The following ALOX12 variants were observed in gnomAD, a reference collection of about 807,000 sequenced individuals.
ALOX12 encodes arachidonate 12-lipoxygenase, 12S type.
Under a neutral mutation model 85.5 loss-of-function variants are expected in ALOX12, and 62 were observed. The observed-to-expected ratio is 0.73, with a 90% CI of 0.59 to 0.90. The LOEUF is 0.90. Ranked by LOEUF, ALOX12 falls within the 40% of genes least tolerant of loss-of-function variation. The probability of loss-of-function intolerance (pLI) is 0.00; values close to 1 mark genes in which losing one functional copy is unlikely to be tolerated. For synonymous variants in ALOX12, 299 were observed against 332.7 expected, an observed-to-expected ratio of 0.90 and a Z score of 1.10; for missense variants, 751 against 856.5, an observed-to-expected ratio of 0.88 and a Z score of 1.54.
Position 7,005,942 on chromosome 17 carries a change from G to A in ALOX12, c.1333G>A (p.Asp445Asn). 6.2e-7 allele frequency: 1 copy of A among 1,613,466 alleles called. No homozygotes were observed. The highest frequency in any genetic ancestry group is 8.5e-7 in the Non-Finnish European group (1 of 1,179,852). The change falls in exon 10 of 14, where the codon GAC becomes AAC. Residue 445 changes from aspartate (D) to asparagine (N), a missense_variant. By Grantham distance (23) the Asp-to-Asn change is conservative (BLOSUM62 1). Coordinates refer to ENST00000251535, the MANE Select transcript of ALOX12 (RefSeq NM_000697.3). Reference sequence around the variant, plus strand: ...GACCTACTGCTCCCTCTGTCCTCCTGACGACCTGGCTGACCGGGGCCTGCT... The same window carrying A: ...GACCTACTGCTCCCTCTGTCCTCCTAACGACCTGGCTGACCGGGGCCTGCT... Reference protein sequence around the residue: ...QLTYCSLCPPDDLADRGLLGL... With the variant: ...QLTYCSLCPPNDLADRGLLGL...
rs536161616 is a variant in ALOX12 at position 7,010,376 on chromosome 17, T to C, written c.1945T>C (p.Tyr649His). 14 of 1,614,234 alleles carry C rather than the reference T, an allele frequency of 8.7e-6. No homozygotes were observed. The South Asian group carries it at 1.4e-4, about 16-fold the overall frequency. ...TARNEQLDWP[Y>H]EYLKPSCIEN... ...CCGGAATGAGCAACTTGACTGGCCC[T>C]ATGAATATCTGAAGCCCAGCTGCAT... The change falls in exon 14 of 14, where the codon TAT becomes CAT. Residue 649 changes from tyrosine to histidine, a missense_variant. Physicochemically the swap from Tyr to His is moderately conservative, Grantham distance 83. Transcript: ENST00000251535.
At chr17:6,997,162 G>A (rs2035133445) in intron 2 of ALOX12, 135 bp downstream of exon 2, 1 of 1,419,408 alleles carries the variant, frequency 7.0e-7, no homozygotes, top group Admixed American at 2.8e-5. Context: ...AGGGATCCCA[G>A]GGTGCTGGAC....
rs777502068 is a variant in ALOX12 at position 7,001,781 on chromosome 17, G to A, written c.1131G>A (p.Arg377=). ...AGGTCATCGCTGTCGCCACCATGCG[G>A]TGCCTCCCAGGACTGCACCCCATCT... is the stretch of plus-strand genomic sequence containing the variant. The part of the protein sequence containing the change: ...VAEVIAVATM[R]CLPGLHPIFK... The change falls in exon 8 of 14, where the codon CGG becomes CGA. Residue 377 remains arginine, a synonymous_variant. Coordinates refer to ENST00000251535, the MANE Select transcript of ALOX12 (RefSeq NM_000697.3). The A allele has an allele frequency of 1.2e-6, 2 of 1,614,118 alleles. No individual in the cohort carries two copies. The highest frequency in any genetic ancestry group is 2.2e-5 in the East Asian group (1 of 44,888).
At chr17:6,998,672 C>G in intron 3 of ALOX12, 43 bp from the exon 4 acceptor site, 2 of 1,603,684 alleles carry the variant, frequency 1.2e-6, no homozygotes, top group Non-Finnish European at 1.7e-6. Flanking sequence ...GGCCCCATCA[C>G]TGACCATGAC....
At chr17:7,005,110 A>G (rs569902437) in intron 8 of ALOX12, 147 bp from the exon 9 acceptor site, 22 of 765,620 alleles carry the variant, frequency 2.9e-5, no homozygotes, top group Non-Finnish European at 5.1e-5. Flanking sequence ...GTTGGAGAGC[A>G]CAAGAGTGAG....
Position 7,000,209 on chromosome 17 carries a change from C to A in ALOX12, c.808-127C>A. ...GAACTGGACCAGGGGCTCTAGTTCT[C>A]CCAACAGGGCTCCGGTACTGATGCA... is the stretch of plus-strand genomic sequence containing the variant. On this transcript the variant is annotated intron_variant, in intron 6 of 13. Coordinates refer to ENST00000251535, the MANE Select transcript of ALOX12 (RefSeq NM_000697.3). The surrounding 1 kb of genome is among the most constrained non-coding windows in gnomAD (Gnocchi z 4.6). 4.4e-6 allele frequency: 5 copies of A among 1,135,902 alleles called. No individual in the cohort carries two copies. The highest frequency in any genetic ancestry group is 6.3e-6 in the Non-Finnish European group (5 of 788,282). 70.4% of individuals were successfully genotyped at this position (1,135,902 alleles called of 1,614,324 possible).
intron 7 of ALOX12, 110 bp from the exon 8 acceptor site, chr17:7,001,492 T>C: frequency 8.6e-7 from 1 of 1,163,980 alleles, no homozygotes; most frequent in Non-Finnish European, 1.3e-6. Context: ...CCTGCTAGAC[T>C]ATAACCTCCT....
chr17:6,996,359 G>A, intron 1 of ALOX12, 107 bp downstream of exon 1: 1 of 1,159,230 alleles, frequency 8.6e-7, no homozygotes, highest in Non-Finnish European at 1.1e-6. Context: ...CGAGGTGACA[G>A]CGCGACCTCG....
intron 9 of ALOX12, 129 bp downstream of exon 9, chr17:7,005,472 GTCTT>G: frequency 3.1e-6 from 1 of 322,434 alleles, no homozygotes; most frequent in East Asian, 6.1e-5. Flanking sequence ...TTATACCCAT[GTCTT>G]TTTTTTTTTT....
rs2307216 is a variant in ALOX12, at chr17:7,010,103, C to T, written c.1789C>T (p.Leu597=). 256 of 1,612,860 alleles carry T rather than the reference C, an allele frequency of 1.6e-4. No individual in the cohort carries two copies. In the African/African-American group the frequency reaches 3.2e-3, roughly 20 times the overall value. The part of the protein sequence containing the change: ...ACLQMAISWH[L]SRRQPDMVPL... ...TCTTCAAATGGCCATCTCATGGCAT[C>T]TGAGTCGCCGCCAGCCAGACATGGT... Residue 597 remains leucine, a synonymous_variant, in exon 13 of 14, where the codon CTG becomes TTG. Coordinates refer to ENST00000251535, the MANE Select transcript of ALOX12 (RefSeq NM_000697.3).
chr17:7,005,118 G>A, intron 8 of ALOX12, 139 bp from the exon 9 acceptor site: 1 of 789,732 alleles, frequency 1.3e-6, no homozygotes, highest in Non-Finnish European at 2.2e-6. Flanking sequence ...GCACAAGAGT[G>A]AGTGATCAGA....
chr17:7,000,436 T>C lies in ALOX12; in HGVS notation c.908T>C (p.Leu303Pro), dbSNP rs776332246. ...TACCTGGCTGCCCCCCTCGTTATGC[T>C]GAAGATGGAGCCCAATGGGAAGCTG... is the stretch of plus-strand genomic sequence containing the variant. ...KQYLAAPLVM[L>P]KMEPNGKLQP... The change falls in exon 7 of 14, where the codon CTG becomes CCG. Residue 303 changes from leucine to proline, a missense_variant. Coordinates refer to ENST00000251535, the MANE Select transcript of ALOX12 (RefSeq NM_000697.3). The surrounding 1 kb of genome is among the most constrained non-coding windows in gnomAD (Gnocchi z 4.6). 1 of 1,614,018 alleles carries C rather than the reference T, an allele frequency of 6.2e-7. No homozygotes were observed. Among genetic ancestry groups the C allele is most frequent in the East Asian group, 2.2e-5 (1 of 44,876 alleles).
In ALOX12 at chr17:7,006,667, AG is replaced by A. The variant is rs755321890; in HGVS notation, c.1540+61del. 106 of 1,515,118 alleles carry A rather than the reference AG, an allele frequency of 7.0e-5. 1 individual carries two copies. The highest frequency in any genetic ancestry group is 8.6e-5 in the Non-Finnish European group (97 of 1,131,526). The allele number at this position is 1,515,118 out of a possible 1,614,324, so 93.9% of individuals were successfully genotyped here. A position where few individuals can be genotyped will look rare whatever the true frequency, so the allele number is the denominator to read the frequency against. Reference sequence around the variant, plus strand: ...GGAGACTCTGCCAGGGCGCCTTCCCAGCCCTGCCCTTCTGGGGACAGGACCC... The same window carrying A: ...GGAGACTCTGCCAGGGCGCCTTCCCACCCTGCCCTTCTGGGGACAGGACCC... On this transcript the variant is annotated intron_variant, in intron 11 of 13. Transcript: ENST00000251535.
At chr17:7,004,059 T>G (rs1164013736) in intron 8 of ALOX12, among the ~76,000 whole-genome samples, 2 of 39,172 alleles carry the variant, frequency 5.1e-5, no homozygotes, top group African/African-American at 1.1e-4. Flanking sequence ...TATTTTTAAT[T>G]TAATAAATTT....
At chr17:7,002,936 A>C (rs1215091393) in intron 8 of ALOX12, among the ~76,000 whole-genome samples, 1 of 152,072 alleles carries the variant, frequency 6.6e-6, no homozygotes, top group Non-Finnish European at 1.5e-5. Flanking sequence ...AAACAACCAA[A>C]TTGTGTTTCA....
At chr17:6,998,674 G>T in intron 3 of ALOX12, 41 bp from the exon 4 acceptor site, 2 of 1,603,708 alleles carry the variant, frequency 1.2e-6, no homozygotes, top group South Asian at 2.2e-5. Flanking sequence ...CCCCATCACT[G>T]ACCATGACAT....
intron 8 of ALOX12, among the ~76,000 whole-genome samples, chr17:7,004,202 T>A (rs1351512720): frequency 6.9e-6 from 1 of 144,878 alleles, no homozygotes; most frequent in Non-Finnish European, 1.5e-5. Flanking sequence ...TTTAAATTTT[T>A]AATTTTAATA....
At chr17:7,002,961 C>T (rs1597322112) in intron 8 of ALOX12, among the ~76,000 whole-genome samples, 1 of 152,268 alleles carries the variant, frequency 6.6e-6, no homozygotes. Flanking sequence ...GGGGCCTCCA[C>T]CAAGACCCCC....
At chr17:7,006,050 A>T (rs1405156003) in intron 10 of ALOX12, 23 bp downstream of exon 10, 1 of 49,770 alleles carries the variant, frequency 2.0e-5, no homozygotes, top group Non-Finnish European at 2.5e-5. Flanking sequence ...GAGCTGAGAA[A>T]TGGTGGGGCC....
Sources: gnomAD v4.1 joint callset for allele counts (sites outside exome capture counted in the v4.1 genomes callset) on GRCh38, gnomAD v4.1.1 for gene constraint, Gnocchi (gnomAD v3.1) non-coding constraint, MANE v1.5 for transcripts, NCBI Gene and HGNC (gene_info 2026-07-23, HGNC 2026-07-21) for gene names.